Variants in DGKI observed in about 807,000 individuals in gnomAD.
The protein encoded by DGKI is DAG kinase iota.
DGKI carries 55 observed loss-of-function variants against 147.5 expected under a neutral mutation model. The ratio of observed to expected loss-of-function variants is 0.37; its 90% CI spans 0.30 to 0.47. The LOEUF is 0.47. Ranked by LOEUF, DGKI falls within the 20% of genes least tolerant of loss-of-function variation. The pLI is 1.00. For synonymous variants in DGKI, 469 were observed against 477.1 expected, an observed-to-expected ratio of 0.98 and a Z score of 0.22; for missense variants, 1,007 against 1,323.8, an observed-to-expected ratio of 0.76 and a Z score of 3.71.
intron 20 of DGKI, among the ~76,000 whole-genome samples, chr7:137,524,108 TCAGGCGGGGTGGTTAAGTAAAC>T (rs943446680): frequency 6.6e-6 from 1 of 152,070 alleles, no homozygotes; most frequent in Admixed American, 6.6e-5. Flanking sequence ...TAAACAATCA[TCAGGCGGGGTGGTTAAGTAAAC>T]CAGAGAACAC....
At chr7:137,712,759 T>C (rs1794253322) in intron 1 of DGKI, among the ~76,000 whole-genome samples, 1 of 152,236 alleles carries the variant, frequency 6.6e-6, no homozygotes, top group Admixed American at 6.5e-5. Flanking sequence ...CAACAAGTTA[T>C]TTGAAACTAA....
chr7:137,491,302 T>C (rs1815755585), intron 21 of DGKI, among the ~76,000 whole-genome samples: 1 of 152,164 alleles, frequency 6.6e-6, no homozygotes, highest in Non-Finnish European at 1.5e-5. Flanking sequence ...TAATTGATCA[T>C]CTGAAGACTG....
intron 8 of DGKI, among the ~76,000 whole-genome samples, chr7:137,619,311 T>C (rs143982079): frequency 1.4e-4 from 22 of 152,340 alleles, no homozygotes; most frequent in Non-Finnish European, 2.9e-4. Flanking sequence ...GAATAAATTC[T>C]ACTTTGCCTT....
chr7:137,720,180 C>T (rs1222358072), intron 1 of DGKI, among the ~76,000 whole-genome samples: 1 of 149,786 alleles, frequency 6.7e-6, no homozygotes, highest in East Asian at 2.0e-4. Context: ...ACTTCATGAG[C>T]AACTAATATT....
intron 28 of DGKI, among the ~76,000 whole-genome samples, chr7:137,424,404 C>T (rs370226894): frequency 2.0e-5 from 3 of 152,212 alleles, no homozygotes; most frequent in South Asian, 2.1e-4. Context: ...AGAGAGGGGT[C>T]GAGCCAAGGT....
intron 19 of DGKI, among the ~76,000 whole-genome samples, chr7:137,563,551 C>G (rs1818486669): frequency 6.6e-6 from 1 of 151,480 alleles, no homozygotes; most frequent in African/African-American, 2.4e-5. Context: ...TTAAAAAAAA[C>G]AAGCTACTGG....
At chr7:137,464,118 G>A (rs539671354) in intron 26 of DGKI, among the ~76,000 whole-genome samples, 5 of 152,036 alleles carry the variant, frequency 3.3e-5, no homozygotes, top group South Asian at 2.1e-4. Flanking sequence ...TTAGCCAGGC[G>A]TGGTGGCAGG....
intron 1 of DGKI, among the ~76,000 whole-genome samples, chr7:137,699,973 T>A (rs1203982509): frequency 6.6e-6 from 1 of 151,984 alleles, no homozygotes; most frequent in Non-Finnish European, 1.5e-5. Flanking sequence ...AGGAATGGAG[T>A]CAAATGACAT....
At chr7:137,510,852 C>G (rs1335095126) in intron 21 of DGKI, among the ~76,000 whole-genome samples, 2 of 152,142 alleles carry the variant, frequency 1.3e-5, no homozygotes, top group Non-Finnish European at 2.9e-5. Flanking sequence ...AATGAATAAA[C>G]AAATTATACA....
intron 30 of DGKI, among the ~76,000 whole-genome samples, chr7:137,398,851 T>C (rs138563177): frequency 6.6e-6 from 1 of 152,060 alleles, no homozygotes; most frequent in Non-Finnish European, 1.5e-5. Context: ...CATGCAGAAG[T>C]AGTTACCAAG....
intron 5 of DGKI, among the ~76,000 whole-genome samples, chr7:137,648,353 T>C (rs139040572): frequency 6.6e-6 from 1 of 152,324 alleles, no homozygotes; most frequent in African/African-American, 2.4e-5. Flanking sequence ...AAGTAACAGC[T>C]CTACTCAAAA....
At chr7:137,459,718 C>T (rs1485268230) in intron 27 of DGKI, among the ~76,000 whole-genome samples, 1 of 152,082 alleles carries the variant, frequency 6.6e-6, no homozygotes, top group African/African-American at 2.4e-5. Flanking sequence ...TCGTGATCCA[C>T]CCGCCTCAGC....
At chr7:137,487,864 T>C (rs960035341) in intron 21 of DGKI, among the ~76,000 whole-genome samples, 175 bp from the exon 22 acceptor site, 7 of 152,260 alleles carry the variant, frequency 4.6e-5, no homozygotes, top group Non-Finnish European at 1.0e-4. Context: ...TTTCAGTCTC[T>C]TCTTGTTTGC....
chr7:137,769,976 T>C (rs1222439832), intron 1 of DGKI, among the ~76,000 whole-genome samples: 1 of 152,236 alleles, frequency 6.6e-6, no homozygotes, highest in Non-Finnish European at 1.5e-5. Flanking sequence ...TTACTGGGTA[T>C]ATACCCAAAG....
At chr7:137,471,660 G>C (rs143514166) in intron 23 of DGKI, among the ~76,000 whole-genome samples, 1 of 151,916 alleles carries the variant, frequency 6.6e-6, no homozygotes, top group Non-Finnish European at 1.5e-5. Context: ...TAAAGTTACC[G>C]AACAAAAGGA....
chr7:137,572,926 C>A, intron 17 of DGKI, 88 bp from the exon 18 acceptor site: 1 of 875,664 alleles, frequency 1.1e-6, no homozygotes. Flanking sequence ...ATAGTACACA[C>A]CATGGTCTCT....
chr7:137,566,096 T>C (rs2128973457), intron 19 of DGKI, among the ~76,000 whole-genome samples: 1 of 152,306 alleles, frequency 6.6e-6, no homozygotes, highest in African/African-American at 2.4e-5. Flanking sequence ...TTATAGCCTT[T>C]AATTACTACA....
intron 12 of DGKI, among the ~76,000 whole-genome samples, chr7:137,592,238 T>C (rs1819642555): frequency 6.6e-6 from 1 of 152,238 alleles, no homozygotes. Flanking sequence ...CCAGCTCACC[T>C]AGCACCCTTT....
chr7:137,826,871 T>C (rs1477858366), intron 1 of DGKI, among the ~76,000 whole-genome samples: 1 of 152,170 alleles, frequency 6.6e-6, no homozygotes, highest in East Asian at 1.9e-4. Context: ...TGGCATCAAA[T>C]CTAAACACCA....
Sources: allele counts gnomAD v4.1 joint callset (sites outside exome capture counted in the v4.1 genomes callset), GRCh38; gene constraint gnomAD v4.1.1; transcripts MANE v1.5; gene names NCBI Gene and HGNC (gene_info 2026-07-23, HGNC 2026-07-21).